Variants in HECW1 observed in about 807,000 individuals in gnomAD.
The protein encoded by HECW1 is E3 ubiquitin-protein ligase HECW1.
In HECW1, 61 loss-of-function variants were observed where a neutral mutation model predicts 182.3. The ratio of observed to expected loss-of-function variants is 0.33; its 90% CI spans 0.27 to 0.41. The LOEUF (loss-of-function observed/expected upper bound fraction) is 0.41, where lower values mean the gene tolerates loss of function less well. HECW1 is among the 10% of genes least tolerant of loss of function. HECW1 has a pLI of 1.00. For missense variants in HECW1, 1,739 were observed against 2,108.9 expected, an observed-to-expected ratio of 0.82 and a Z score of 3.44; for synonymous variants, 859 against 832.6, an observed-to-expected ratio of 1.03 and a Z score of -0.55.
chr7:43,401,320 A>G (rs1054562549), intron 7 of HECW1, among the ~76,000 whole-genome samples: 2 of 152,346 alleles, frequency 1.3e-5, no homozygotes, highest in South Asian at 4.1e-4. Flanking sequence ...CTCTCCCGGA[A>G]GGCATCAATG....
intron 5 of HECW1, among the ~76,000 whole-genome samples, chr7:43,343,794 A>G (rs1332323626): frequency 2.6e-5 from 4 of 151,768 alleles, no homozygotes; most frequent in Non-Finnish European, 5.9e-5. Flanking sequence ...TAATGGGGTC[A>G]AATGGTATTT....
At chr7:43,139,247 T>C (rs1352454444) in intron 2 of HECW1, among the ~76,000 whole-genome samples, 1 of 152,226 alleles carries the variant, frequency 6.6e-6, no homozygotes, top group Non-Finnish European at 1.5e-5. Context: ...AAGAATATCT[T>C]TCAGGCCTAG....
chr7:43,187,770 T>A (rs973751236), intron 2 of HECW1, among the ~76,000 whole-genome samples: 1 of 152,198 alleles, frequency 6.6e-6, no homozygotes, highest in South Asian at 2.1e-4. Flanking sequence ...TAGGTTCTGA[T>A]AATTATCCGA....
chr7:43,309,829 C>G (rs1308074505), intron 3 of HECW1, among the ~76,000 whole-genome samples: 1 of 152,200 alleles, frequency 6.6e-6, no homozygotes, highest in Non-Finnish European at 1.5e-5. Flanking sequence ...AGTGACGGAG[C>G]CTGGCTGAGT....
chr7:43,236,878 G>A (rs1376493308), intron 2 of HECW1, among the ~76,000 whole-genome samples: 3 of 152,048 alleles, frequency 2.0e-5, no homozygotes, highest in African/African-American at 7.2e-5. Flanking sequence ...CCTTATTTAG[G>A]AATAAAATGG....
At chr7:43,508,452 G>C (rs2079692141) in intron 23 of HECW1, among the ~76,000 whole-genome samples, 1 of 152,166 alleles carries the variant, frequency 6.6e-6, no homozygotes, top group Admixed American at 6.5e-5. Context: ...TAAAGTGCAT[G>C]TATACAACTT....
At chr7:43,162,384 G>T (rs1394247367) in intron 2 of HECW1, among the ~76,000 whole-genome samples, 2 of 152,182 alleles carry the variant, frequency 1.3e-5, no homozygotes, top group Non-Finnish European at 2.9e-5. Context: ...CCTAGCTTCT[G>T]GGGGCTCCAG....
At chr7:43,154,552 AT>A (rs1789675389) in intron 2 of HECW1, among the ~76,000 whole-genome samples, 1 of 152,112 alleles carries the variant, frequency 6.6e-6, no homozygotes, top group Non-Finnish European at 1.5e-5. Context: ...GAGCATTTGT[AT>A]TGTTCTTCTT....
intron 2 of HECW1, among the ~76,000 whole-genome samples, chr7:43,172,430 AT>A (rs11394010): frequency 8.9e-4 from 135 of 151,032 alleles, no homozygotes; most frequent in African/African-American, 3.0e-3. Context: ...GATTTCTAGG[AT>A]TTTTTTTTCA....
In HECW1 at chr7:43,456,343, C is replaced by T. The variant is rs1313450608; in HGVS notation, c.2547C>T (p.Asp849=). 1 of 1,613,952 alleles carries T rather than the reference C, an allele frequency of 6.2e-7. No individual in the cohort carries two copies. The highest frequency in any genetic ancestry group is 1.1e-5 in the South Asian group (1 of 91,026). Residue 849 remains aspartate (D), a synonymous_variant, in exon 13 of 30, where the codon GAC becomes GAT. Coordinates refer to ENST00000395891, the MANE Select transcript of HECW1 (RefSeq NM_015052.5). ...IDSHGRVFYV[D]HVNRTTTWQR... ...GCCACGGGCGGGTCTTTTATGTGGACCACGTGAACCGCACAACCACCTGGC... is the reference window on the plus strand; with the variant it reads ...GCCACGGGCGGGTCTTTTATGTGGATCACGTGAACCGCACAACCACCTGGC...
chr7:43,302,610 G>T (rs780691812), intron 3 of HECW1, among the ~76,000 whole-genome samples: 10 of 152,294 alleles, frequency 6.6e-5, no homozygotes, highest in East Asian at 5.8e-4. Flanking sequence ...CCCGGTACGG[G>T]GCCGCCCCGG....
At chr7:43,235,041 C>T (rs150498252) in intron 2 of HECW1, among the ~76,000 whole-genome samples, 25 of 152,356 alleles carry the variant, frequency 1.6e-4, no homozygotes, top group African/African-American at 4.6e-4. Context: ...CTGCCAGACC[C>T]GTGGTCCAGA....
At chr7:43,302,841 C>T (rs907207448) in intron 3 of HECW1, among the ~76,000 whole-genome samples, 4 of 152,178 alleles carry the variant, frequency 2.6e-5, no homozygotes, top group African/African-American at 7.2e-5. Context: ...TATTTCCTAA[C>T]ATTGAGAAGG....
intron 2 of HECW1, among the ~76,000 whole-genome samples, chr7:43,210,857 T>C (rs977915345): frequency 6.6e-6 from 1 of 152,164 alleles, no homozygotes; most frequent in Admixed American, 6.5e-5. Flanking sequence ...TAAATATCAA[T>C]GGTGGACGGC....
intron 9 of HECW1, 30 bp downstream of exon 9, chr7:43,438,175 C>G (rs768996591): frequency 3.1e-6 from 5 of 1,601,550 alleles, no homozygotes; most frequent in Non-Finnish European, 4.3e-6. Flanking sequence ...CTTACTATCA[C>G]TAGGTTCCCA....
At chr7:43,521,142 C>G (rs2080453330) in intron 24 of HECW1, among the ~76,000 whole-genome samples, 1 of 152,194 alleles carries the variant, frequency 6.6e-6, no homozygotes, top group Non-Finnish European at 1.5e-5. Flanking sequence ...ATGCGTCTCT[C>G]AGAATTCATA....
intron 3 of HECW1, chr7:43,274,618 A>T: frequency 2.6e-6 from 1 of 382,544 alleles, no homozygotes; most frequent in Non-Finnish European, 5.0e-6. Flanking sequence ...CCCCAAATAA[A>T]CTCAGGAACG....
intron 2 of HECW1, among the ~76,000 whole-genome samples, chr7:43,190,684 T>C (rs1223376344): frequency 6.6e-6 from 1 of 152,150 alleles, no homozygotes; most frequent in Non-Finnish European, 1.5e-5. Flanking sequence ...GCTCTAACCA[T>C]CCCAAATGGG....
intron 2 of HECW1, among the ~76,000 whole-genome samples, chr7:43,136,316 T>A (rs1433748105): frequency 6.6e-6 from 1 of 152,250 alleles, no homozygotes; most frequent in Non-Finnish European, 1.5e-5. Context: ...AGCTGTTATA[T>A]GTGTTTCTCT....
Sources: gnomAD v4.1 joint callset for allele counts (sites outside exome capture counted in the v4.1 genomes callset) on GRCh38, gnomAD v4.1.1 for gene constraint, MANE v1.5 for transcripts, NCBI Gene and HGNC (gene_info 2026-07-23, HGNC 2026-07-21) for gene names.